Variants in DLG2 observed in about 807,000 individuals in gnomAD.
DLG2 encodes disks large homolog 2.
In DLG2, 45 loss-of-function variants were observed where a neutral mutation model predicts 132.5. That is an observed-to-expected ratio of 0.34 (90% CI 0.27 to 0.44). The LOEUF is 0.44. Ranked by LOEUF, DLG2 falls within the 20% of genes least tolerant of loss-of-function variation. DLG2 has a pLI of 1.00. For missense variants in DLG2, 1,045 were observed against 1,196.9 expected (o/e 0.87, Z 1.87); for synonymous variants, 424 against 419.6 (o/e 1.01, Z -0.13).
intron 6 of DLG2, among the ~76,000 whole-genome samples, chr11:84,540,527 A>T (rs983271439): frequency 2.0e-5 from 3 of 152,162 alleles, no homozygotes; most frequent in African/African-American, 7.2e-5. Context: ...GCGATCATTA[A>T]AAGTCAGGAA....
In DLG2 at chr11:84,705,536, G is replaced by A. The variant is rs556810460; in HGVS notation, c.358-170805C>T. 9.9e-5 allele frequency among the ~76,000 whole-genome samples: 15 copies of A among 151,758 alleles called. No homozygotes were observed. In the South Asian group the frequency reaches 2.1e-3, roughly 21 times the overall value. On this transcript the variant is annotated intron_variant, in intron 6 of 27. Transcript: ENST00000376104. Reference sequence around the variant, plus strand: ...CCTTTCCAGCTGGTATGAAACTATCGATTATTTTAAGATGGATTTAAACTA... The same window carrying A: ...CCTTTCCAGCTGGTATGAAACTATCAATTATTTTAAGATGGATTTAAACTA...
chr11:83,714,360 C>T (rs2086199189), intron 18 of DLG2, among the ~76,000 whole-genome samples: 1 of 151,916 alleles, frequency 6.6e-6, no homozygotes, highest in African/African-American at 2.4e-5. Flanking sequence ...GGCTATCAAG[C>T]CTTTTAATGT....
chr11:84,828,557 C>G (rs1414816472), intron 6 of DLG2, among the ~76,000 whole-genome samples: 1 of 151,734 alleles, frequency 6.6e-6, no homozygotes, highest in African/African-American at 2.4e-5. Context: ...TCTGACTTTA[C>G]TCTCTTGTTA....
chr11:85,417,021 A>G (rs906911543), intron 3 of DLG2, among the ~76,000 whole-genome samples: 6 of 152,132 alleles, frequency 3.9e-5, no homozygotes, highest in African/African-American at 1.4e-4. Flanking sequence ...GTCGTATGCC[A>G]GTTTTCAGAG....
chr11:84,080,212 G>A lies in DLG2; in HGVS notation c.749+18711C>T, dbSNP rs182581102. Among the ~76,000 whole-genome samples the A allele has an allele frequency of 1.3e-4, 20 of 152,298 alleles. No homozygotes were observed. The East Asian group carries it at 1.9e-3, about 15-fold the overall frequency. ...GCCAATAAATAACAACAGTTTGGGA[G>A]TAAAATAAAATATTCTGTGTCAGTT... On this transcript the variant is annotated intron_variant, in intron 10 of 27. Coordinates refer to ENST00000376104, the MANE Select transcript of DLG2 (RefSeq NM_001142699.3).
chr11:83,839,299 A>G (rs1324380693), intron 16 of DLG2, among the ~76,000 whole-genome samples: 1 of 152,208 alleles, frequency 6.6e-6, no homozygotes, highest in Non-Finnish European at 1.5e-5. Flanking sequence ...ACTTACTTTA[A>G]TAGTGAAGAT....
At chr11:84,648,425 G>A (rs910476077) in intron 6 of DLG2, among the ~76,000 whole-genome samples, 8 of 152,158 alleles carry the variant, frequency 5.3e-5, no homozygotes, top group Admixed American at 1.3e-4. Flanking sequence ...AAATTTGTGC[G>A]AGAAATTGAA....
chr11:83,555,090 T>G (rs1469857475), intron 19 of DLG2, among the ~76,000 whole-genome samples: 2 of 152,190 alleles, frequency 1.3e-5, no homozygotes, highest in African/African-American at 4.8e-5. Context: ...TTGGGAAGGC[T>G]TCCAAGAGGA....
chr11:83,720,317 A>G (rs1404439871), intron 18 of DLG2, among the ~76,000 whole-genome samples: 1 of 148,112 alleles, frequency 6.8e-6, no homozygotes, highest in Non-Finnish European at 1.5e-5. Flanking sequence ...AAAAAAAAAA[A>G]AAAAAAAAAG....
intron 15 of DLG2, among the ~76,000 whole-genome samples, chr11:83,877,090 T>C (rs909573994): frequency 2.0e-5 from 3 of 152,152 alleles, no homozygotes; most frequent in African/African-American, 7.2e-5. Flanking sequence ...TGATTTATGT[T>C]ATTAATTACT....
At chr11:83,829,435 G>T (rs1485869439) in intron 17 of DLG2, among the ~76,000 whole-genome samples, 3 of 152,102 alleles carry the variant, frequency 2.0e-5, no homozygotes, top group African/African-American at 7.2e-5. Flanking sequence ...GACCTCAGGT[G>T]ATCTGCCCGC....
intron 6 of DLG2, among the ~76,000 whole-genome samples, chr11:84,556,209 G>A (rs1404483224): frequency 6.6e-6 from 1 of 152,180 alleles, no homozygotes; most frequent in Non-Finnish European, 1.5e-5. Flanking sequence ...ACAGGACATG[G>A]TCAGGTAGCA....
chr11:84,466,835 C>T (rs1254027704), intron 7 of DLG2, among the ~76,000 whole-genome samples: 1 of 151,212 alleles, frequency 6.6e-6, no homozygotes, highest in Non-Finnish European at 1.5e-5. Flanking sequence ...TTATTTGTGA[C>T]AGTATTTGTT....
chr11:85,343,565 G>A (rs1253879703), intron 3 of DLG2, among the ~76,000 whole-genome samples: 1 of 151,830 alleles, frequency 6.6e-6, no homozygotes, highest in Non-Finnish European at 1.5e-5. Context: ...GCAAGCCTTG[G>A]CATTTTTTTC....
intron 5 of DLG2, among the ~76,000 whole-genome samples, chr11:85,130,441 A>G (rs2075591677): frequency 6.6e-6 from 1 of 152,138 alleles, no homozygotes. Context: ...AGGGACTTTC[A>G]TGCCAAGGAA....
chr11:84,129,720 C>G (rs904621559), intron 9 of DLG2, among the ~76,000 whole-genome samples: 3 of 151,676 alleles, frequency 2.0e-5, no homozygotes, highest in African/African-American at 7.3e-5. Flanking sequence ...TAATAGTAAC[C>G]TTAACCTAAG....
At chr11:84,080,861 G>A (rs868181989) in intron 10 of DLG2, among the ~76,000 whole-genome samples, 2 of 151,706 alleles carry the variant, frequency 1.3e-5, no homozygotes, top group African/African-American at 4.8e-5. Context: ...GCGTGGTGGC[G>A]GACACCTGTA....
intron 6 of DLG2, among the ~76,000 whole-genome samples, chr11:84,696,405 A>C (rs1275949142): frequency 6.6e-6 from 1 of 151,540 alleles, no homozygotes; most frequent in East Asian, 1.9e-4. Context: ...TCACACACCA[A>C]GTAAGGATTT....
chr11:83,695,423 G>C (rs756379938), intron 18 of DLG2, among the ~76,000 whole-genome samples: 5 of 152,186 alleles, frequency 3.3e-5, no homozygotes, highest in African/African-American at 4.8e-5. Context: ...TGTGGGGAGG[G>C]GAAGAGGATA....
Sources: gnomAD v4.1 joint callset for allele counts (sites outside exome capture counted in the v4.1 genomes callset) on GRCh38, gnomAD v4.1.1 for gene constraint, MANE v1.5 for transcripts, NCBI Gene and HGNC (gene_info 2026-07-23, HGNC 2026-07-21) for gene names.